MAP3K5: variants seen among roughly 807,000 people sequenced by gnomAD.
MAP3K5 encodes mitogen-activated protein kinase kinase kinase 5.
Under a neutral mutation model 158.7 loss-of-function variants are expected in MAP3K5, and 56 were observed. The ratio of observed to expected loss-of-function variants is 0.35; its 90% CI spans 0.28 to 0.44. The LOEUF is 0.44. Among genes scored for constraint, MAP3K5 ranks in the 20% least tolerant of loss-of-function variants. MAP3K5 has a pLI of 1.00. For missense variants in MAP3K5, 1,294 were observed against 1,674.8 expected (o/e 0.77, Z 3.97); for synonymous variants, 579 against 601.7 (o/e 0.96, Z 0.55).
upstream of MAP3K5, among the ~76,000 whole-genome samples, chr6:136,792,804 C>A (rs900634133): frequency 6.6e-5 from 10 of 152,182 alleles, no homozygotes; most frequent in African/African-American, 2.4e-4. The surrounding 1 kb of genome is among the most constrained non-coding windows in gnomAD (Gnocchi z 5.7). Flanking sequence ...CCGCGTGGTC[C>A]CGGCGCCAGC....
intron 5 of MAP3K5, 86 bp downstream of exon 5, chr6:136,697,133 A>T: frequency 8.3e-7 from 1 of 1,198,218 alleles, no homozygotes; most frequent in Non-Finnish European, 1.2e-6. Flanking sequence ...TGAACTGCTT[A>T]CCAGCAAACT....
At chr6:136,713,326 C>T (rs911182) in intron 2 of MAP3K5, among the ~76,000 whole-genome samples, 64,894 of 152,054 alleles carry the variant, frequency 0.43, 15,016 homozygotes, top group Non-Finnish European at 0.52. Context: ...AAAATGGTAA[C>T]AAGAGATTCA....
chr6:136,604,536 C>A (rs1776020928), intron 19 of MAP3K5, among the ~76,000 whole-genome samples: 1 of 152,068 alleles, frequency 6.6e-6, no homozygotes, highest in Non-Finnish European at 1.5e-5. Context: ...GGCAGTCTGG[C>A]AGCGGAGGAC....
intron 1 of MAP3K5, among the ~76,000 whole-genome samples, chr6:136,770,883 T>A (rs1212002644): frequency 1.3e-5 from 2 of 152,194 alleles, no homozygotes; most frequent in African/African-American, 4.8e-5. Context: ...AAAATTATCA[T>A]AAACATAAAA....
At chr6:136,729,339 C>CT (rs1782107057) in intron 1 of MAP3K5, among the ~76,000 whole-genome samples, 1 of 152,128 alleles carries the variant, frequency 6.6e-6, no homozygotes, top group African/African-American at 2.4e-5. Context: ...CAGACAATAC[C>CT]TCGAACTCTC....
At position 136,707,563 on chromosome 6, in the gene MAP3K5, G is replaced by C. The variant is rs573682714; in HGVS notation, c.589-2430C>G. Among the ~76,000 whole-genome samples, 34 of 152,080 alleles carry C rather than the reference G, an allele frequency of 2.2e-4. No individual in the cohort carries two copies. In the East Asian group the frequency reaches 2.9e-3, roughly 13 times the overall value. On this transcript the variant is annotated intron_variant, in intron 2 of 29. Coordinates refer to ENST00000359015, the MANE Select transcript of MAP3K5 (RefSeq NM_005923.4). The stretch of plus-strand genomic sequence containing the variant: ...AGTGAATTAAAGAGGTACTTGGGGG[G>C]GGGGGGAACCCCTTGAACGTAGTCA...
Position 136,696,098 on chromosome 6 carries a change from G to A in MAP3K5, c.976-41C>T, listed in dbSNP as rs774827840. ...AGAATAGCACAGAATTAAACCATTAGGAGAAAATTCTCACAATAACGTGTC... is the reference window on the plus strand; with the variant it reads ...AGAATAGCACAGAATTAAACCATTAAGAGAAAATTCTCACAATAACGTGTC... On this transcript the variant is annotated intron_variant, in intron 5 of 29. Transcript: ENST00000359015. 5.0e-6 allele frequency: 6 copies of A among 1,203,012 alleles called. No individual in the cohort carries two copies. In the South Asian group the frequency reaches 6.5e-5, roughly 13 times the overall value. The allele number at this position is 1,203,012 out of a possible 1,614,324, so 74.5% of individuals were successfully genotyped here.
chr6:136,622,373 T>C (rs1366892059), intron 15 of MAP3K5, among the ~76,000 whole-genome samples: 1 of 152,160 alleles, frequency 6.6e-6, no homozygotes, highest in Non-Finnish European at 1.5e-5. Flanking sequence ...TATGAGTCTC[T>C]CAGTTTTCCA....
At chr6:136,757,249 T>G (rs1001218391) in intron 1 of MAP3K5, among the ~76,000 whole-genome samples, 25 of 152,344 alleles carry the variant, frequency 1.6e-4, no homozygotes, top group African/African-American at 6.0e-4. Context: ...CCTCTAGGAC[T>G]TTTCAAGAAA....
intron 26 of MAP3K5, among the ~76,000 whole-genome samples, chr6:136,567,187 T>G (rs963754645): frequency 1.3e-5 from 2 of 152,264 alleles, no homozygotes; most frequent in African/African-American, 4.8e-5. Flanking sequence ...ATCTTCCTTT[T>G]TAGGTTCTAA....
At position 136,698,453 on chromosome 6, in the gene MAP3K5, T is replaced by C. The variant is rs769667284; in HGVS notation, c.806+36A>G. Reference sequence around the variant, plus strand: ...ATAAAGATGTAGAATAACACTTTATTGTCATCACCAAATGGCATTATTAAT... The same window carrying C: ...ATAAAGATGTAGAATAACACTTTATCGTCATCACCAAATGGCATTATTAAT... On this transcript the variant is annotated intron_variant, in intron 4 of 29. Transcript: ENST00000359015. 1.7e-5 allele frequency: 27 copies of C among 1,568,816 alleles called. 1 individual carries two copies. The South Asian group carries it at 2.9e-4, about 17-fold the overall frequency.
intron 15 of MAP3K5, 112 bp from the exon 16 acceptor site, chr6:136,614,398 A>C: frequency 8.4e-7 from 1 of 1,191,926 alleles, no homozygotes; most frequent in Non-Finnish European, 1.2e-6. Context: ...ATGTAAAACC[A>C]AAACAACCAC....
intron 7 of MAP3K5, among the ~76,000 whole-genome samples, chr6:136,671,193 T>C (rs1317929634): frequency 6.6e-6 from 1 of 152,138 alleles, no homozygotes; most frequent in African/African-American, 2.4e-5. Context: ...CTTAAAGATA[T>C]GAAAAGGAAG....
At chr6:136,574,496 C>T (rs1774510712) in intron 25 of MAP3K5, among the ~76,000 whole-genome samples, 1 of 152,078 alleles carries the variant, frequency 6.6e-6, no homozygotes, top group African/African-American at 2.4e-5. Context: ...CCATCATAGT[C>T]TCTGTGCTCA....
chr6:136,675,155 A>C (rs898056843), intron 7 of MAP3K5, among the ~76,000 whole-genome samples: 2 of 152,000 alleles, frequency 1.3e-5, no homozygotes, highest in Non-Finnish European at 2.9e-5. Context: ...TAACAGTCCC[A>C]AATGTACCTA....
chr6:136,624,757 T>C (rs1208977105), intron 14 of MAP3K5, among the ~76,000 whole-genome samples: 1 of 152,104 alleles, frequency 6.6e-6, no homozygotes, highest in Non-Finnish European at 1.5e-5. Flanking sequence ...TCCATAGATA[T>C]GGAGTTAGGT....
intron 9 of MAP3K5, among the ~76,000 whole-genome samples, chr6:136,657,078 T>A (rs913638044): frequency 6.6e-6 from 1 of 152,226 alleles, no homozygotes; most frequent in Non-Finnish European, 1.5e-5. Context: ...AATGTGTATA[T>A]TCTATTCAAG....
intron 7 of MAP3K5, among the ~76,000 whole-genome samples, chr6:136,680,002 C>T (rs1249988194): frequency 2.0e-5 from 3 of 151,880 alleles, no homozygotes; most frequent in African/African-American, 4.8e-5. Flanking sequence ...ACATATGCTA[C>T]AATGCAGAGG....
chr6:136,558,722 C>T (rs1029864990), intron 29 of MAP3K5, 78 bp downstream of exon 29: 3 of 914,334 alleles, frequency 3.3e-6, no homozygotes, highest in East Asian at 2.4e-5. Flanking sequence ...ATTAGAGACC[C>T]AGCCTGGGAA....
Sources: allele counts gnomAD v4.1 joint callset (sites outside exome capture counted in the v4.1 genomes callset), GRCh38; gene constraint gnomAD v4.1.1; non-coding constraint Gnocchi (gnomAD v3.1); transcripts MANE v1.5; gene names NCBI Gene and HGNC (gene_info 2026-07-23, HGNC 2026-07-21).